The following JAM3 variants were observed in gnomAD, a reference collection of about 807,000 sequenced individuals.
JAM3 encodes junctional adhesion molecule 3, also known as junctional adhesion molecule C.
In JAM3, 31 loss-of-function variants were observed where a neutral mutation model predicts 39.4. That is an observed-to-expected ratio of 0.79 (90% CI 0.59 to 1.06). The LOEUF is 1.06. Ranked by LOEUF, JAM3 falls within the 50% of genes least tolerant of loss-of-function variation. JAM3 has a pLI of 0.00. For synonymous variants in JAM3, 182 were observed against 148.7 expected, an observed-to-expected ratio of 1.22 and a Z score of -1.63; for missense variants, 455 against 391.4, an observed-to-expected ratio of 1.16 and a Z score of -1.37.
At chr11:134,124,463 A>T (rs1303377367) in intron 1 of JAM3, 1 of 477,150 alleles carries the variant, frequency 2.1e-6, no homozygotes, top group African/African-American at 2.0e-5. Flanking sequence ...TGTTTTCTCT[A>T]TTCAACTTGT....
intron 1 of JAM3, among the ~76,000 whole-genome samples, chr11:134,127,345 T>G (rs910170030): frequency 2.0e-5 from 3 of 152,250 alleles, no homozygotes; most frequent in Admixed American, 2.0e-4. Flanking sequence ...AACTATGATG[T>G]CTGATGGCCC....
chr11:134,120,296 C>T (rs1041513032), intron 1 of JAM3, among the ~76,000 whole-genome samples: 1 of 152,170 alleles, frequency 6.6e-6, no homozygotes, highest in African/African-American at 2.4e-5. Context: ...TGACGTGAGT[C>T]CTGGTCAAGG....
chr11:134,102,450 A>T (rs537296271), intron 1 of JAM3, among the ~76,000 whole-genome samples: 1 of 152,234 alleles, frequency 6.6e-6, no homozygotes, highest in African/African-American at 2.4e-5. Flanking sequence ...TCTAAAAATC[A>T]GAGCGCTTCT....
chr11:134,078,116 GTTTT>G (rs1288633951), intron 1 of JAM3, among the ~76,000 whole-genome samples: 1 of 151,856 alleles, frequency 6.6e-6, no homozygotes, highest in Non-Finnish European at 1.5e-5. Flanking sequence ...CCACTGGAGT[GTTTT>G]TTTATTTGTT....
rs35326370 is a variant in JAM3 at position 134,086,405 on chromosome 11, A to ATT, written c.76+17255_76+17256dup. ...TCTAGAGGACAGACGAGTATCCTGG[A>ATT]TTTTTTTTTTAAAGAAAACAAAAAT... On this transcript the variant is annotated intron_variant, in intron 1 of 8. Transcript: ENST00000299106. Among the ~76,000 whole-genome samples the ATT allele has an allele frequency of 3.9e-4, 59 of 150,698 alleles. No homozygotes were observed. In the South Asian group the frequency reaches 5.6e-3, roughly 14 times the overall value.
chr11:134,124,060 A>T, intron 1 of JAM3: 1 of 1,461,462 alleles, frequency 6.8e-7, no homozygotes, highest in Non-Finnish European at 9.6e-7. Context: ...GGCTCTTCAC[A>T]GAATTTGGTT....
At chr11:134,107,763 C>T (rs955457122) in intron 1 of JAM3, among the ~76,000 whole-genome samples, 7 of 151,846 alleles carry the variant, frequency 4.6e-5, no homozygotes, top group African/African-American at 1.2e-4. Flanking sequence ...CTTGGGACAT[C>T]GGGGCAGGAG....
At chr11:134,124,836 G>A (rs540482519) in intron 1 of JAM3, among the ~76,000 whole-genome samples, 94 of 152,376 alleles carry the variant, frequency 6.2e-4, no homozygotes, top group African/African-American at 2.0e-3. Context: ...TGCTGAGCCC[G>A]GCAGAAGTCT....
rs779947297 is a variant in JAM3, at chr11:134,148,540, T to C, written c.713-7T>C. 9.4e-5 allele frequency: 152 copies of C among 1,614,080 alleles called. No individual in the cohort carries two copies. Among genetic ancestry groups the C allele is most frequent in the Middle Eastern group, 1.6e-4 (1 of 6,080 alleles). ...TCATGGCTTCCACCAAACCTCCTTT[T>C]CTTCAGATGACCTGAACATTGGCGG... On this transcript the variant is annotated splice_region_variant and splice_polypyrimidine_tract_variant and intron_variant, in intron 6 of 8. Transcript: ENST00000299106.
Position 134,145,029 on chromosome 11 carries a change from T to C in JAM3, c.612+35T>C, listed in dbSNP as rs1461579510. The C allele has an allele frequency of 2.1e-5, 32 of 1,520,740 alleles. 1 individual carries two copies. In the Admixed American group the frequency reaches 5.2e-4, roughly 25 times the overall value. The allele number at this position is 1,520,740 out of a possible 1,614,324, so 94.2% of individuals were successfully genotyped here. ...CTTCTAAGAGGTGAGGATGGAGATG[T>C]CTTTGTTGGGGCAAGAGATGCTTAT... On this transcript the variant is annotated intron_variant, in intron 5 of 8. Transcript: ENST00000299106.
intron 1 of JAM3, among the ~76,000 whole-genome samples, chr11:134,124,696 T>C (rs748678770): frequency 8.5e-5 from 13 of 152,094 alleles, no homozygotes; most frequent in Non-Finnish European, 1.9e-4. Context: ...ACTGGAGTCA[T>C]TAAAAGAAAT....
chr11:134,092,997 G>A (rs1941900268), intron 1 of JAM3, among the ~76,000 whole-genome samples: 1 of 146,786 alleles, frequency 6.8e-6, no homozygotes, highest in Non-Finnish European at 1.5e-5. Flanking sequence ...TATTCATCAT[G>A]TTCCACCTTA....
intron 1 of JAM3, among the ~76,000 whole-genome samples, chr11:134,076,151 C>CTTTTTTTTTTTTTTTTTT (rs551303530): frequency 2.5e-5 from 3 of 120,404 alleles, no homozygotes; most frequent in Non-Finnish European, 3.4e-5. Flanking sequence ...TCTTTTCTTT[C>CTTTTTTTTTTTTTTTTTT]TTTTTTTTTT....
chr11:134,139,646 T>C, intron 1 of JAM3: 2 of 595,814 alleles, frequency 3.4e-6, no homozygotes, highest in South Asian at 1.9e-5. Context: ...CTCTTCTCTT[T>C]CCCTTGGCTC....
intron 1 of JAM3, among the ~76,000 whole-genome samples, chr11:134,131,518 C>CA: frequency 6.6e-6 from 1 of 151,934 alleles, no homozygotes; most frequent in Non-Finnish European, 1.5e-5. Flanking sequence ...GCATCAACAA[C>CA]AACAACAAAA....
intron 1 of JAM3, among the ~76,000 whole-genome samples, chr11:134,118,969 C>CTT (rs61244231): frequency 0.19 from 26,473 of 140,320 alleles, 3,196 homozygotes; most frequent in African/African-American, 0.35. Flanking sequence ...CTCAAGAAAT[C>CTT]TTTTTTTTTT....
chr11:134,109,260 C>T (rs1942263903), intron 1 of JAM3, among the ~76,000 whole-genome samples: 1 of 152,196 alleles, frequency 6.6e-6, no homozygotes, highest in Admixed American at 6.5e-5. Context: ...CCGTGCCCGG[C>T]CTGCTCTCAC....
Position 134,144,796 on chromosome 11 carries a change from G to A in JAM3, c.414G>A (p.Lys138=). 6.2e-7 allele frequency: 1 copy of A among 1,613,922 alleles called. No individual in the cohort carries two copies. ...EIVIELTVQV[K]PVTPVCRVPK... ...ACCACCCCTTTTTCCCCACAGTGAA[G>A]CCAGTGACCCCTGTCTGTAGAGTGC... The change falls in exon 5 of 9, where the codon AAG becomes AAA. Residue 138 remains lysine (K), a synonymous_variant. Transcript: ENST00000299106.
At chr11:134,076,872 G>GT (rs1279950628) in intron 1 of JAM3, among the ~76,000 whole-genome samples, 1 of 122,418 alleles carries the variant, frequency 8.2e-6, no homozygotes, top group Non-Finnish European at 1.6e-5. Context: ...GTCTTGCTCT[G>GT]TTTCCAGGCT....
Sources: gnomAD v4.1 joint callset for allele counts (sites outside exome capture counted in the v4.1 genomes callset) on GRCh38, gnomAD v4.1.1 for gene constraint, MANE v1.5 for transcripts, NCBI Gene and HGNC (gene_info 2026-07-23, HGNC 2026-07-21) for gene names.